The following LIMCH1 variants were observed in gnomAD, a reference collection of about 807,000 sequenced individuals.
LIMCH1 encodes LIM and calponin homology domains 1, also known as LIM and calponin homology domains-containing protein 1.
In LIMCH1, 113 loss-of-function variants were observed where a neutral mutation model predicts 176.5. The observed-to-expected ratio is 0.64, with a 90% CI of 0.55 to 0.75. LIMCH1 has a LOEUF of 0.75. Among genes scored for constraint, LIMCH1 ranks in the 30% least tolerant of loss-of-function variants. The pLI is 0.00. For missense variants in LIMCH1, 1,674 were observed against 1,814.9 expected (o/e 0.92, Z 1.41); for synonymous variants, 619 against 645.9 (o/e 0.96, Z 0.63).
rs1443988503 is a variant in LIMCH1, at chr4:41,631,327, G to T, written c.1451G>T (p.Arg484Leu). 6.5e-7 allele frequency: 1 copy of T among 1,536,020 alleles called. No homozygotes were observed. The highest frequency in any genetic ancestry group is 1.4e-5 in the African/African-American group (1 of 73,046). ...GAGCTAGATCAGCAGAAATGGAAGC[G>T]GCTTAGCATTGGCAAGGCTGGGCCT... ...VTELDQQKWKRLSIGKAGPRE... is the reference protein window; with the variant it reads ...VTELDQQKWKLLSIGKAGPRE... The change falls in exon 10 of 32, where the codon CGG (arginine) becomes CTG (leucine). Residue 484 changes from arginine (R) to leucine (L), a missense_variant. Transcript: ENST00000503057.
In LIMCH1 at chr4:41,551,283, T is replaced by C. The variant is rs1278823132; in HGVS notation, c.-241+12933T>C. On this transcript the variant is annotated intron_variant, in intron 1 of 31. Coordinates refer to ENST00000503057, the MANE Select transcript of LIMCH1 (RefSeq NM_001330672.2). ...CATGAGTTTAGTTGAACTTTCATAA[T>C]TATGGATATTTATAACAGCCTTGCC... The C allele has an allele frequency of 2.6e-5, 4 of 152,232 alleles. No homozygotes were observed. In the East Asian group the frequency reaches 7.7e-4, roughly 29 times the overall value. 9.4% of individuals were successfully genotyped at this position (152,232 alleles called of 1,614,324 possible).
chr4:41,515,644 T>C lies in LIMCH1; in HGVS notation c.168-8765T>C, dbSNP rs190822060. Among the ~76,000 whole-genome samples, 595 of 152,362 alleles carry C rather than the reference T, an allele frequency of 3.9e-3. 5 individuals are homozygous for C. Among genetic ancestry groups the C allele is most frequent in the African/African-American group, 0.013 (553 of 41,590 alleles). ...GACTAGCAGGTATTTTTGTCACCATTTGAAAGAGGAGGAAACTGAGGCTCG... is the reference window on the plus strand; with the variant it reads ...GACTAGCAGGTATTTTTGTCACCATCTGAAAGAGGAGGAAACTGAGGCTCG... On this transcript the variant is annotated intron_variant, in intron 2 of 26. Transcript: ENST00000313860.
At chr4:41,498,738 CT>C (rs2072669360) in intron 2 of LIMCH1, among the ~76,000 whole-genome samples, 1 of 152,178 alleles carries the variant, frequency 6.6e-6, no homozygotes, top group African/African-American at 2.4e-5. Flanking sequence ...ATGATATTCT[CT>C]ACTTCCCTGC....
intron 1 of LIMCH1, among the ~76,000 whole-genome samples, chr4:41,419,678 TTCC>T (rs1205118279): frequency 0.049 from 3,417 of 69,328 alleles, 167 homozygotes; most frequent in South Asian, 0.18. Context: ...CCTTCCTTCC[TTCC>T]TCCTTCCTTC....
chr4:41,452,089 G>A (rs1270904607), intron 1 of LIMCH1, among the ~76,000 whole-genome samples: 2 of 152,180 alleles, frequency 1.3e-5, no homozygotes, highest in Non-Finnish European at 2.9e-5. Context: ...AGTCTGTAGA[G>A]CCTCTCCCCA....
intron 1 of LIMCH1, among the ~76,000 whole-genome samples, chr4:41,421,214 A>G (rs2060579813): frequency 6.6e-6 from 1 of 152,162 alleles, no homozygotes; most frequent in Non-Finnish European, 1.5e-5. Flanking sequence ...CTTATGGTAA[A>G]GTGGAGATCA....
intron 1 of LIMCH1, among the ~76,000 whole-genome samples, chr4:41,429,625 A>G (rs1215046161): frequency 2.0e-5 from 3 of 152,248 alleles, no homozygotes; most frequent in Admixed American, 1.3e-4. Context: ...AGAAGTGGTC[A>G]TGGCACTTAT....
intron 1 of LIMCH1, among the ~76,000 whole-genome samples, chr4:41,492,854 A>G (rs10014015): frequency 0.26 from 39,469 of 151,980 alleles, 5,371 homozygotes; most frequent in South Asian, 0.34. Flanking sequence ...CCTCTTTATC[A>G]TTATCAAATG....
intron 22 of LIMCH1, among the ~76,000 whole-genome samples, chr4:41,672,500 G>A (rs1474128700): frequency 6.6e-6 from 1 of 152,068 alleles, no homozygotes; most frequent in African/African-American, 2.4e-5. Flanking sequence ...TATATTGTTG[G>A]CAGATAGGAC....
At chr4:41,680,288 C>T (rs1367078082) in intron 24 of LIMCH1, among the ~76,000 whole-genome samples, 190 bp downstream of exon 24, 2 of 152,212 alleles carry the variant, frequency 1.3e-5, no homozygotes, top group Non-Finnish European at 2.9e-5. Flanking sequence ...CTCACAAATA[C>T]AGTTCGTGAT....
At chr4:41,524,741 CT>C (rs1410350650) in intron 3 of LIMCH1, among the ~76,000 whole-genome samples, 1 of 152,164 alleles carries the variant, frequency 6.6e-6, no homozygotes, top group Non-Finnish European at 1.5e-5. Flanking sequence ...GTGTGAGAGG[CT>C]GATAATTAGG....
At chr4:41,516,104 C>A (rs748444682) in intron 2 of LIMCH1, among the ~76,000 whole-genome samples, 6 of 152,104 alleles carry the variant, frequency 3.9e-5, no homozygotes, top group Admixed American at 3.3e-4. Flanking sequence ...GCAGCTTTCA[C>A]GGTTCATTGA....
intron 4 of LIMCH1, among the ~76,000 whole-genome samples, chr4:41,609,110 C>T (rs1028605804): frequency 2.0e-5 from 3 of 152,082 alleles, no homozygotes; most frequent in Admixed American, 6.6e-5. Context: ...GCCCAGGCTA[C>T]TCCTGTTTCA....
Position 41,644,611 on chromosome 4 carries a change from C to T in LIMCH1, c.2238C>T (p.Asp746=), listed in dbSNP as rs2093983680. ...TAAATAACCAGCTGAGGGAAGAGGA[C>T]GACAAATGGCAAGATGTGAGTTGTG... The part of the protein sequence containing the change: ...QLINNQLREE[D]DKWQDDLARW... The change falls in exon 15 of 32, where the codon GAC becomes GAT. Residue 746 remains aspartate, a synonymous_variant. Transcript: ENST00000503057. 3 of 1,611,432 alleles carry T rather than the reference C, an allele frequency of 1.9e-6. No individual in the cohort carries two copies. Among genetic ancestry groups the T allele is most frequent in the African/African-American group, 1.3e-5 (1 of 74,936 alleles).
chr4:41,687,987 C>T, intron 29 of LIMCH1, 70 bp downstream of exon 29: 1 of 1,223,518 alleles, frequency 8.2e-7, no homozygotes, highest in Non-Finnish European at 1.2e-6. Flanking sequence ...ATCATTTCAA[C>T]TGAATTAGTG....
intron 3 of LIMCH1, among the ~76,000 whole-genome samples, chr4:41,604,832 C>T (rs555729294): frequency 9.5e-4 from 144 of 152,192 alleles, no homozygotes; most frequent in African/African-American, 3.4e-3. Flanking sequence ...AATTTTCCCA[C>T]AGAGGTAGAA....
At position 41,644,519 on chromosome 4, in the gene LIMCH1, A is replaced by G; in HGVS notation, c.2146A>G (p.Met716Val). The change falls in exon 15 of 32, where the codon ATG (methionine) becomes GTG (valine). Residue 716 changes from methionine to valine, a missense_variant. Physicochemically the swap from Met to Val is conservative, Grantham distance 21. Around this residue, in one of 3 missense-constraint regions of LIMCH1, gnomAD observed 1,015 missense variants for 1,102.5 expected, o/e 0.92. Transcript: ENST00000503057. ...DDAESTSMFDMRCEEEAAVQP... is the reference protein window; with the variant it reads ...DDAESTSMFDVRCEEEAAVQP... ...ACTCAGGAGCACCAGCATGTTTGAC[A>G]TGCGGTGTGAGGAGGAGGCCGCGGT... 1.9e-6 allele frequency: 3 copies of G among 1,581,396 alleles called. No homozygotes were observed. The highest frequency in any genetic ancestry group is 2.3e-5 in the East Asian group (1 of 42,806).
rs565460433 is a variant in LIMCH1, at chr4:41,651,113, TCTC to T, written c.3036+508_3036+510del. On this transcript the variant is annotated intron_variant, in intron 18 of 31. Coordinates refer to ENST00000503057, the MANE Select transcript of LIMCH1 (RefSeq NM_001330672.2). Reference sequence around the variant, plus strand: ...CCTCTGCCTCCAGGCTTCAAGCAATTCTCCTGCCTCATCCTCCCAAGTAACTGG... The same window carrying T: ...CCTCTGCCTCCAGGCTTCAAGCAATTCTGCCTCATCCTCCCAAGTAACTGG... Among the ~76,000 whole-genome samples the T allele has an allele frequency of 4.2e-3, 638 of 152,246 alleles. 4 individuals carry two copies. Among genetic ancestry groups the T allele is most frequent in the African/African-American group, 0.014 (600 of 41,518 alleles).
chr4:41,606,719 G>A (rs978718616), intron 4 of LIMCH1, among the ~76,000 whole-genome samples: 55 of 152,170 alleles, frequency 3.6e-4, no homozygotes, highest in Non-Finnish European at 4.4e-5. Context: ...CTAGTACATA[G>A]TGTTACCCAG....
Sources: gnomAD v4.1 joint callset for allele counts (sites outside exome capture counted in the v4.1 genomes callset) on GRCh38, gnomAD v4.1.1 for gene constraint, gnomAD v4.1.1 regional missense constraint, MANE v1.5 for transcripts, NCBI Gene and HGNC (gene_info 2026-07-23, HGNC 2026-07-21) for gene names.